MATCAP2: variants seen among roughly 807,000 people sequenced by gnomAD.
MATCAP2 encodes the protein putative tyrosine carboxypeptidase MATCAP2.
chr7:36,388,249 G>A, the MATCAP2 span, among the ~76,000 whole-genome samples: 2 of 151,726 alleles, frequency 1.3e-5, no homozygotes, highest in African/African-American at 4.8e-5. Flanking sequence ...TCTAGGTAGA[G>A]GGTCAGTTTT....
chr7:36,374,667 T>G, the MATCAP2 span, among the ~76,000 whole-genome samples: 1 of 152,180 alleles, frequency 6.6e-6, no homozygotes, highest in Non-Finnish European at 1.5e-5. Context: ...TAGGTATTTC[T>G]CCTAATGCTA....
At chr7:36,348,734 A>G in the MATCAP2 span, among the ~76,000 whole-genome samples, 1 of 152,234 alleles carries the variant, frequency 6.6e-6, no homozygotes, top group East Asian at 1.9e-4. Context: ...TTATAAATAA[A>G]GTATTGTGAG....
the MATCAP2 span, chr7:36,390,129 C>G: frequency 6.2e-7 from 1 of 1,600,906 alleles, no homozygotes; most frequent in Non-Finnish European, 8.5e-7. Context: ...TGGGCGAACC[C>G]CCACCGGGCG....
the MATCAP2 span, among the ~76,000 whole-genome samples, chr7:36,361,845 G>A: frequency 2.0e-5 from 3 of 152,302 alleles, no homozygotes; most frequent in East Asian, 1.9e-4. Flanking sequence ...GAAAACTGAC[G>A]TTGTAAGCAA....
chr7:36,372,616 T>C, the MATCAP2 span, among the ~76,000 whole-genome samples: 1 of 152,174 alleles, frequency 6.6e-6, no homozygotes, highest in African/African-American at 2.4e-5. Context: ...TTGTTGGAAA[T>C]GATTAAGGGA....
chr7:36,346,145 T>G, the MATCAP2 span, among the ~76,000 whole-genome samples: 1 of 152,118 alleles, frequency 6.6e-6, no homozygotes, highest in East Asian at 1.9e-4. Flanking sequence ...AAAGGGCTGA[T>G]GAGAACGTGG....
the MATCAP2 span, among the ~76,000 whole-genome samples, chr7:36,378,081 C>T: frequency 1.3e-5 from 2 of 152,010 alleles, no homozygotes; most frequent in East Asian, 1.9e-4. Context: ...TCGTGATTAC[C>T]GACCTTCTGA....
the MATCAP2 span, among the ~76,000 whole-genome samples, chr7:36,352,513 C>G: frequency 6.7e-6 from 1 of 148,358 alleles, no homozygotes; most frequent in Non-Finnish European, 1.5e-5. Flanking sequence ...AGATATATCA[C>G]TCTTAATGTT....
the MATCAP2 span, chr7:36,324,239 G>GTTTCT: frequency 6.6e-6 from 1 of 152,220 alleles, no homozygotes; most frequent in East Asian, 1.9e-4. Context: ...CCTTGGCACC[G>GTTTCT]TTTCTTTTTA....
At chr7:36,366,865 A>ACC in the MATCAP2 span, 1 of 1,492,806 alleles carries the variant, frequency 6.7e-7, no homozygotes, top group Non-Finnish European at 8.8e-7. Context: ...GGGCGGCGGG[A>ACC]CCCCGGTCCG....
At chr7:36,363,634 A>T in the MATCAP2 span, among the ~76,000 whole-genome samples, 2 of 152,236 alleles carry the variant, frequency 1.3e-5, no homozygotes, top group Admixed American at 1.3e-4. Context: ...TTTTCCTAGC[A>T]GTTGACAACA....
chr7:36,344,547 T>C, the MATCAP2 span, among the ~76,000 whole-genome samples: 1 of 152,212 alleles, frequency 6.6e-6, no homozygotes. Context: ...CTTTTCTAAC[T>C]GGAAAAACAA....
the MATCAP2 span, chr7:36,367,203 C>T: frequency 8.5e-7 from 1 of 1,178,094 alleles, no homozygotes; most frequent in Non-Finnish European, 1.0e-6. Flanking sequence ...TTAGAACCTG[C>T]CACCGTGACG....
the MATCAP2 span, among the ~76,000 whole-genome samples, chr7:36,377,031 T>C: frequency 6.6e-6 from 1 of 152,214 alleles, no homozygotes; most frequent in Non-Finnish European, 1.5e-5. Context: ...TACAGCACAC[T>C]GATGGGTCTT....
chr7:36,389,972 T>C, the MATCAP2 span: 20 of 1,614,094 alleles, frequency 1.2e-5, no homozygotes, highest in East Asian at 2.9e-4. Context: ...CTCACTTTTC[T>C]CTTCCTGAAT....
chr7:36,349,348 A>C, the MATCAP2 span, among the ~76,000 whole-genome samples: 1 of 152,246 alleles, frequency 6.6e-6, no homozygotes, highest in Non-Finnish European at 1.5e-5. Flanking sequence ...AAATATTTCA[A>C]AATATTATAG....
chr7:36,389,745 C>G, the MATCAP2 span: 5 of 399,018 alleles, frequency 1.3e-5, no homozygotes, highest in Non-Finnish European at 2.2e-5. Context: ...GGGAACCACC[C>G]GGCCCGGCGC....
the MATCAP2 span, chr7:36,383,959 A>ATAC: frequency 7.6e-7 from 1 of 1,312,134 alleles, no homozygotes; most frequent in Non-Finnish European, 1.0e-6. Flanking sequence ...GTGTTATTGT[A>ATAC]TTACTTTGTG....
chr7:36,339,462 C>T, the MATCAP2 span, among the ~76,000 whole-genome samples: 198 of 152,276 alleles, frequency 1.3e-3, no homozygotes, highest in African/African-American at 4.4e-3. Context: ...CCACTTACCA[C>T]CTTCATGCCT....
Sources: allele counts gnomAD v4.1 joint callset (sites outside exome capture counted in the v4.1 genomes callset), GRCh38; gene constraint gnomAD v4.1.1; transcripts MANE v1.5; gene names NCBI Gene and HGNC (gene_info 2026-07-23, HGNC 2026-07-21).